FIG4: variants seen among roughly 807,000 people sequenced by gnomAD.
FIG4 encodes FIG4 phosphoinositide 5-phosphatase, also known as polyphosphoinositide phosphatase.
In FIG4, 112 loss-of-function variants were observed where a neutral mutation model predicts 118.6. The ratio of observed to expected loss-of-function variants is 0.94; its 90% CI spans 0.81 to 1.11. The LOEUF (loss-of-function observed/expected upper bound fraction) is 1.11, where lower values mean the gene tolerates loss of function less well. FIG4 is among the 50% of genes least tolerant of loss of function. FIG4 has a pLI of 0.00. For synonymous variants in FIG4, 369 were observed against 381.2 expected (o/e 0.97, Z 0.37); for missense variants, 969 against 1,111.7 (o/e 0.87, Z 1.83).
intron 22 of FIG4, among the ~76,000 whole-genome samples, chr6:109,797,299 C>T (rs898972659): frequency 2.6e-5 from 4 of 152,200 alleles, no homozygotes; most frequent in Non-Finnish European, 5.9e-5. Context: ...ATGTTCAAAT[C>T]ATACTACTTC....
intron 22 of FIG4, 65 bp from the exon 23 acceptor site, chr6:109,825,023 C>A: frequency 6.8e-7 from 1 of 1,476,990 alleles, no homozygotes; most frequent in Non-Finnish European, 9.5e-7. Context: ...GCTTCTGAGA[C>A]TGCTCCCTGT....
intron 3 of FIG4, among the ~76,000 whole-genome samples, chr6:109,721,669 C>G (rs1775614591): frequency 6.6e-6 from 1 of 151,994 alleles, no homozygotes; most frequent in African/African-American, 2.4e-5. Flanking sequence ...TTCTGGTGTT[C>G]ATCATGTTAG....
chr6:109,766,707 A>G (rs1190715413), intron 14 of FIG4, 22 bp from the exon 15 acceptor site: 3 of 1,607,838 alleles, frequency 1.9e-6, no homozygotes, highest in East Asian at 4.5e-5. Context: ...GAAATTCTTT[A>G]ATCGGGTTTT....
At chr6:109,701,554 A>T (rs1054984370) in intron 1 of FIG4, among the ~76,000 whole-genome samples, 1 of 152,254 alleles carries the variant, frequency 6.6e-6, no homozygotes, top group Non-Finnish European at 1.5e-5. Context: ...GCATGTGTCT[A>T]TTTAGCAGGG....
At chr6:109,766,662 T>C (rs1777288223) in intron 14 of FIG4, 67 bp from the exon 15 acceptor site, 2 of 1,360,760 alleles carry the variant, frequency 1.5e-6, no homozygotes, top group Non-Finnish European at 2.1e-6. Context: ...TGTTTGGAGT[T>C]TGGCTAAGTG....
In FIG4 at chr6:109,792,469, A is replaced by C. The variant is rs1778161287; in HGVS notation, c.2377-113A>C. On this transcript the variant is annotated intron_variant, in intron 20 of 22. Transcript: ENST00000230124. ...AGTTTAATGAACAGGTTAAAGAAGC[A>C]CTGTGATTGCTTTTGTGGAAAAATT... is the stretch of plus-strand genomic sequence containing the variant. 4.2e-6 allele frequency: 3 copies of C among 706,302 alleles called. No homozygotes were observed. In the East Asian group the frequency reaches 7.9e-5, roughly 19 times the overall value. 43.8% of individuals were successfully genotyped at this position (706,302 alleles called of 1,614,324 possible).
At chr6:109,719,383 T>G (rs888399803) in intron 3 of FIG4, among the ~76,000 whole-genome samples, 2 of 151,936 alleles carry the variant, frequency 1.3e-5, no homozygotes, top group African/African-American at 4.8e-5. Context: ...TGTCTGTGTG[T>G]GTGTGTTTTT....
intron 15 of FIG4, among the ~76,000 whole-genome samples, chr6:109,772,153 C>T (rs1267858201): frequency 6.6e-6 from 1 of 152,178 alleles, no homozygotes; most frequent in Non-Finnish European, 1.5e-5. Flanking sequence ...CTTACTCAAC[C>T]TTTCAACAAC....
chr6:109,821,721 G>A (rs931760680), intron 22 of FIG4, among the ~76,000 whole-genome samples: 5 of 152,132 alleles, frequency 3.3e-5, no homozygotes, highest in East Asian at 3.9e-4. Flanking sequence ...CAAAGCAATC[G>A]AAACAGCATC....
intron 22 of FIG4, among the ~76,000 whole-genome samples, chr6:109,801,404 C>T (rs929296217): frequency 8.6e-5 from 13 of 151,870 alleles, no homozygotes; most frequent in South Asian, 4.2e-4. Context: ...AAAAATTAGC[C>T]GGGCAAGGTG....
At chr6:109,821,714 A>G (rs1349640637) in intron 22 of FIG4, among the ~76,000 whole-genome samples, 1 of 152,192 alleles carries the variant, frequency 6.6e-6, no homozygotes. Context: ...GTGTTACCAA[A>G]GCAATCGAAA....
chr6:109,759,975 G>A (rs1009243235), intron 10 of FIG4, among the ~76,000 whole-genome samples: 2 of 152,184 alleles, frequency 1.3e-5, no homozygotes, highest in African/African-American at 2.4e-5. Flanking sequence ...CATGGCCCAC[G>A]TTGGGTAAGC....
At chr6:109,775,183 C>T (rs1276819784) in intron 15 of FIG4, among the ~76,000 whole-genome samples, 1 of 152,094 alleles carries the variant, frequency 6.6e-6, no homozygotes, top group Non-Finnish European at 1.5e-5. Flanking sequence ...AACCCTTGTT[C>T]ATATCCAGAG....
At chr6:109,769,057 T>C (rs1777368184) in intron 15 of FIG4, among the ~76,000 whole-genome samples, 1 of 151,996 alleles carries the variant, frequency 6.6e-6, no homozygotes, top group Admixed American at 6.6e-5. Flanking sequence ...CCTGTGGTCG[T>C]TGTCCCTGTA....
intron 11 of FIG4, among the ~76,000 whole-genome samples, chr6:109,761,439 G>A (rs1263278997): frequency 2.0e-5 from 3 of 152,106 alleles, no homozygotes; most frequent in Non-Finnish European, 2.9e-5. Context: ...AGGCTGGAGT[G>A]CAGTGGCGCA....
At chr6:109,730,777 A>G (rs894575944) in intron 4 of FIG4, among the ~76,000 whole-genome samples, 6 of 152,202 alleles carry the variant, frequency 3.9e-5, no homozygotes. Flanking sequence ...CCAGAAGTAC[A>G]AAGATAATTT....
rs34006646 is a variant in FIG4, at chr6:109,727,217, T to C, written c.398T>C (p.Ile133Thr). The change falls in exon 4 of 23, where the codon ATC becomes ACC. Residue 133 changes from isoleucine (I) to threonine (T), a missense_variant. By Grantham distance (89) the Ile-to-Thr change is moderately conservative (BLOSUM62 -1). This residue lies in a region of FIG4 where 393 missense variants were observed against 409.4 expected (regional missense o/e 0.96). Transcript: ENST00000230124. ...TATAAGGTCGAAGATACAAATATGA[T>C]CTATATACCCAATGATTCTGTACGG... is the stretch of plus-strand genomic sequence containing the variant. ...AIYKVEDTNM[I>T]YIPNDSVRVT... The C allele has an allele frequency of 1.6e-5, 25 of 1,612,732 alleles. No homozygotes were observed. The highest frequency in any genetic ancestry group is 2.2e-5 in the East Asian group (1 of 44,858).
chr6:109,733,835 C>T (rs548872220), intron 5 of FIG4, among the ~76,000 whole-genome samples: 3 of 152,010 alleles, frequency 2.0e-5, no homozygotes, highest in Non-Finnish European at 4.4e-5. Flanking sequence ...TGGCCTTCTT[C>T]TTCATATTTC....
intron 12 of FIG4, 63 bp from the exon 13 acceptor site, chr6:109,763,874 G>A: frequency 9.4e-7 from 1 of 1,064,228 alleles, no homozygotes; most frequent in Non-Finnish European, 1.5e-6. Context: ...CAAGGATCTG[G>A]TACTGAAAAT....
Sources: gnomAD v4.1 joint callset for allele counts (sites outside exome capture counted in the v4.1 genomes callset) on GRCh38, gnomAD v4.1.1 for gene constraint, gnomAD v4.1.1 regional missense constraint, MANE v1.5 for transcripts, NCBI Gene and HGNC (gene_info 2026-07-23, HGNC 2026-07-21) for gene names.